The following SEMA5B variants were observed in gnomAD, a reference collection of about 807,000 sequenced individuals.
SEMA5B encodes semaphorin-5B.
A neutral mutation model predicts 135.0 loss-of-function variants in SEMA5B; 66 were observed. The ratio of observed to expected loss-of-function variants is 0.49; its 90% CI spans 0.40 to 0.60. SEMA5B has a LOEUF of 0.60. SEMA5B is among the 20% of genes least tolerant of loss of function. SEMA5B has a pLI of 0.00. For missense variants in SEMA5B, 1,501 were observed against 1,566.3 expected (o/e 0.96, Z 0.70); for synonymous variants, 690 against 639.5 (o/e 1.08, Z -1.19).
At chr3:123,023,606 C>T (rs565894041) in intron 1 of SEMA5B, among the ~76,000 whole-genome samples, 66 of 152,284 alleles carry the variant, frequency 4.3e-4, no homozygotes, top group African/African-American at 1.6e-3. Context: ...AACTAGGAAA[C>T]AGCTAAGGTG....
intron 14 of SEMA5B, 107 bp from the exon 15 acceptor site, chr3:122,914,108 G>T: frequency 8.1e-7 from 1 of 1,235,672 alleles, no homozygotes; most frequent in Non-Finnish European, 1.1e-6. Flanking sequence ...AGAAAGGGCT[G>T]GACAGTGACA....
chr3:122,922,478 C>T (rs772093033), intron 10 of SEMA5B, 31 bp from the exon 11 acceptor site: 11 of 1,552,902 alleles, frequency 7.1e-6, no homozygotes, highest in Admixed American at 1.8e-5. Flanking sequence ...ACGCGCGCCC[C>T]GGCCACCAGG....
rs773324106 is a variant in SEMA5B, at chr3:122,910,340, AAC to A, written c.3298-41_3298-40del. On this transcript the variant is annotated intron_variant, in intron 22 of 22. Coordinates refer to ENST00000357599, the MANE Select transcript of SEMA5B (RefSeq NM_001031702.4). ...AAGGAACCAGAGAAAGGGGTGAGGG[AAC>A]ACACAGGGGAAGGGAACAGGCCAGA... is the stretch of plus-strand genomic sequence containing the variant. 14 of 1,607,380 alleles carry A rather than the reference AAC, an allele frequency of 8.7e-6. No homozygotes were observed. The African/African-American group carries it at 1.3e-4, about 15-fold the overall frequency.
At chr3:122,923,536 G>A in intron 10 of SEMA5B, 81 bp downstream of exon 10, 5 of 1,512,880 alleles carry the variant, frequency 3.3e-6, no homozygotes, top group Non-Finnish European at 4.6e-6. Flanking sequence ...TCTGTGCTAA[G>A]CAGTTGGGAA....
At chr3:122,968,570 C>T (rs1940973211) in intron 1 of SEMA5B, among the ~76,000 whole-genome samples, 1 of 152,128 alleles carries the variant, frequency 6.6e-6, no homozygotes, top group African/African-American at 2.4e-5. Flanking sequence ...CGCCCCAACA[C>T]TACTGGAAAT....
At chr3:122,982,552 C>T (rs1051013503) in intron 1 of SEMA5B, among the ~76,000 whole-genome samples, 2 of 152,138 alleles carry the variant, frequency 1.3e-5, no homozygotes, top group Non-Finnish European at 2.9e-5. Flanking sequence ...GAATTGACTA[C>T]GGTTGGCAAA....
chr3:122,973,808 G>A (rs1399137647), intron 1 of SEMA5B, among the ~76,000 whole-genome samples: 1 of 152,184 alleles, frequency 6.6e-6, no homozygotes, highest in Non-Finnish European at 1.5e-5. Context: ...AGGTATGGGA[G>A]TGGGGAAGGG....
At chr3:123,009,459 A>G (rs1292075412) in intron 1 of SEMA5B, among the ~76,000 whole-genome samples, 5 of 152,142 alleles carry the variant, frequency 3.3e-5, no homozygotes, top group Admixed American at 6.5e-5. Context: ...AGCCTTGCAC[A>G]TCGTGCCCAC....
chr3:123,021,356 G>C (rs1942669868), intron 1 of SEMA5B, among the ~76,000 whole-genome samples: 1 of 152,322 alleles, frequency 6.6e-6, no homozygotes, highest in Admixed American at 6.5e-5. Context: ...GGCGCCTTGA[G>C]GGAAGAGAAG....
At chr3:122,972,879 G>C (rs920530078) in intron 1 of SEMA5B, among the ~76,000 whole-genome samples, 3 of 152,138 alleles carry the variant, frequency 2.0e-5, no homozygotes, top group African/African-American at 7.2e-5. Flanking sequence ...TGGGAAGTTA[G>C]CCCAGGTCTG....
At chr3:123,026,457 G>A (rs997449443) in intron 1 of SEMA5B, among the ~76,000 whole-genome samples, 1 of 152,062 alleles carries the variant, frequency 6.6e-6, no homozygotes, top group African/African-American at 2.4e-5. Context: ...GGGGGGCGGG[G>A]GCGGGGAGGA....
At chr3:123,004,276 G>C (rs1942251039) in intron 1 of SEMA5B, among the ~76,000 whole-genome samples, 1 of 152,202 alleles carries the variant, frequency 6.6e-6, no homozygotes, top group Non-Finnish European at 1.5e-5. Flanking sequence ...ATTTGCTTTA[G>C]GCAGATACAT....
intron 15 of SEMA5B, 36 bp downstream of exon 15, chr3:122,913,822 A>T (rs752046667): frequency 6.4e-7 from 1 of 1,570,312 alleles, no homozygotes; most frequent in South Asian, 1.2e-5. Context: ...GGGCCCGGTT[A>T]GTCTGGGACC....
chr3:122,960,400 G>A (rs1354862668), intron 2 of SEMA5B, among the ~76,000 whole-genome samples: 1 of 152,232 alleles, frequency 6.6e-6, no homozygotes, highest in Non-Finnish European at 1.5e-5. Flanking sequence ...CAGCCGCTAT[G>A]TAAAACAGTC....
At chr3:122,971,712 C>T (rs1426223389) in intron 1 of SEMA5B, among the ~76,000 whole-genome samples, 1 of 152,238 alleles carries the variant, frequency 6.6e-6, no homozygotes, top group East Asian at 1.9e-4. Context: ...GGGCCTCTGC[C>T]CAAGGAGCCT....
chr3:122,958,682 C>T (rs1940443514), intron 2 of SEMA5B, among the ~76,000 whole-genome samples: 1 of 152,168 alleles, frequency 6.6e-6, no homozygotes. Flanking sequence ...GGGACTGGGG[C>T]CCAGAGGGAA....
intron 20 of SEMA5B, 150 bp from the exon 21 acceptor site, chr3:122,911,685 C>T: frequency 1.0e-6 from 1 of 994,854 alleles, no homozygotes; most frequent in Non-Finnish European, 1.4e-6. Flanking sequence ...TCCCTCTCTC[C>T]TCAGACCCCA....
intron 14 of SEMA5B, among the ~76,000 whole-genome samples, chr3:122,914,470 T>C (rs1312986673): frequency 6.6e-6 from 1 of 152,230 alleles, no homozygotes; most frequent in African/African-American, 2.4e-5. Context: ...AATTTTCAAA[T>C]CTGGGCTCTA....
chr3:122,968,162 G>A (rs945061020), intron 1 of SEMA5B, among the ~76,000 whole-genome samples: 3 of 152,238 alleles, frequency 2.0e-5, no homozygotes, highest in African/African-American at 4.8e-5. Context: ...GGGCCCCCAG[G>A]ATGGTTTAGG....
Sources: gnomAD v4.1 joint callset for allele counts (sites outside exome capture counted in the v4.1 genomes callset) on GRCh38, gnomAD v4.1.1 for gene constraint, MANE v1.5 for transcripts, NCBI Gene and HGNC (gene_info 2026-07-23, HGNC 2026-07-21) for gene names.